The following MAPRE2 variants were observed in gnomAD, a reference collection of about 807,000 sequenced individuals.
MAPRE2 encodes microtubule-associated protein RP/EB family member 2.
MAPRE2 carries 13 observed loss-of-function variants against 43.2 expected under a neutral mutation model. That is an observed-to-expected ratio of 0.30 (90% CI 0.20 to 0.48). The LOEUF (loss-of-function observed/expected upper bound fraction) is 0.48, where lower values mean the gene tolerates loss of function less well. Ranked by LOEUF, MAPRE2 falls within the 20% of genes least tolerant of loss-of-function variation. The pLI, the probability that MAPRE2 is intolerant of heterozygous loss-of-function variation, is 0.99. For synonymous variants in MAPRE2, 135 were observed against 148.8 expected, an observed-to-expected ratio of 0.91 and a Z score of 0.68; for missense variants, 161 against 400.2, an observed-to-expected ratio of 0.40 and a Z score of 5.10.
At chr18:35,035,902 G>A (rs1202696096) in intron 2 of MAPRE2, among the ~76,000 whole-genome samples, 6 of 135,948 alleles carry the variant, frequency 4.4e-5, no homozygotes, top group East Asian at 2.1e-4. Flanking sequence ...CACCTGTTAC[G>A]TAACTTCCTC....
chr18:35,110,670 G>T (rs1397486992), intron 4 of MAPRE2, among the ~76,000 whole-genome samples: 2 of 152,064 alleles, frequency 1.3e-5, no homozygotes, highest in Non-Finnish European at 2.9e-5. Flanking sequence ...TTCTGTAAAT[G>T]TCTTTATTTT....
chr18:35,076,039 G>A (rs573660930), intron 2 of MAPRE2, among the ~76,000 whole-genome samples: 2 of 152,124 alleles, frequency 1.3e-5, no homozygotes, highest in Non-Finnish European at 2.9e-5. Context: ...ATACCATGGT[G>A]GTGAAAAGTG....
intron 2 of MAPRE2, among the ~76,000 whole-genome samples, chr18:35,010,053 C>G (rs1206178370): frequency 6.6e-6 from 1 of 152,150 alleles, no homozygotes; most frequent in African/African-American, 2.4e-5. Context: ...TTTTACCCAT[C>G]TCACACCACA....
upstream of MAPRE2, among the ~76,000 whole-genome samples, chr18:35,037,373 C>A (rs1366557674): frequency 6.6e-6 from 1 of 152,188 alleles, no homozygotes; most frequent in Non-Finnish European, 1.5e-5. Context: ...GAGAAACCAG[C>A]ATTATTACCC....
chr18:35,134,933 A>G (rs912860839), intron 6 of MAPRE2, among the ~76,000 whole-genome samples: 2 of 152,236 alleles, frequency 1.3e-5, no homozygotes, highest in Non-Finnish European at 2.9e-5. Context: ...AGAGAGGGAA[A>G]GAGACAGAGG....
At chr18:35,033,146 T>A (rs976599581) in intron 2 of MAPRE2, among the ~76,000 whole-genome samples, 15 of 152,050 alleles carry the variant, frequency 9.9e-5, no homozygotes, top group Non-Finnish European at 2.1e-4. Flanking sequence ...CAGCAGCACA[T>A]CAAAAAGCTT....
rs867209465 is a variant in MAPRE2, at chr18:35,066,559, C to G, written c.123-3636C>G. On this transcript the variant is annotated intron_variant, in intron 1 of 6. Coordinates refer to ENST00000300249, the MANE Select transcript of MAPRE2 (RefSeq NM_014268.4). ...CATTTGGAAAAAATATATAAATGTT[C>G]TGTGAATGTTGTAGCCACTTGTATC... Among the ~76,000 whole-genome samples the G allele has an allele frequency of 2.6e-5, 4 of 152,316 alleles. No homozygotes were observed. The Middle Eastern group carries it at 0.014, about 518-fold the overall frequency.
At chr18:34,992,660 AC>A (rs1422514396) in intron 1 of MAPRE2, among the ~76,000 whole-genome samples, 1 of 152,220 alleles carries the variant, frequency 6.6e-6, no homozygotes, top group Non-Finnish European at 1.5e-5. Flanking sequence ...TCCATAAATT[AC>A]ATTTTAAACG....
upstream of MAPRE2, chr18:35,041,396 G>A: frequency 6.6e-7 from 1 of 1,503,822 alleles, no homozygotes; most frequent in Non-Finnish European, 8.9e-7. Context: ...GGAGGGCGGG[G>A]CGCGAGCGAG....
chr18:35,025,685 C>G (rs2097044740), intron 2 of MAPRE2, among the ~76,000 whole-genome samples: 1 of 152,196 alleles, frequency 6.6e-6, no homozygotes, highest in Admixed American at 6.5e-5. Context: ...TTTAATAAAG[C>G]AAGCTGAAGT....
intron 1 of MAPRE2, among the ~76,000 whole-genome samples, chr18:34,999,572 T>C (rs1431819920): frequency 6.6e-6 from 1 of 152,240 alleles, no homozygotes; most frequent in Non-Finnish European, 1.5e-5. Flanking sequence ...TTTATTTTTA[T>C]AGAAACCTAA....
chr18:35,018,264 A>G (rs1257359385), intron 2 of MAPRE2, among the ~76,000 whole-genome samples: 1 of 151,840 alleles, frequency 6.6e-6, no homozygotes, highest in Non-Finnish European at 1.5e-5. Flanking sequence ...ATTGGCATGT[A>G]GTTTTCTTTT....
At chr18:35,042,485 A>G (rs574261149) in intron 1 of MAPRE2, among the ~76,000 whole-genome samples, 43 of 152,292 alleles carry the variant, frequency 2.8e-4, no homozygotes, top group African/African-American at 1.0e-3. Context: ...TCATTTTTAC[A>G]TTAACATATC....
chr18:35,140,282 C>T lies in MAPRE2; in HGVS notation c.910-13C>T. The T allele has an allele frequency of 3.1e-6, 5 of 1,611,990 alleles. No individual in the cohort carries two copies. Among genetic ancestry groups the T allele is most frequent in the Middle Eastern group, 1.7e-4 (1 of 6,036 alleles). On this transcript the variant is annotated splice_polypyrimidine_tract_variant and intron_variant, in intron 6 of 6. Coordinates refer to ENST00000300249, the MANE Select transcript of MAPRE2 (RefSeq NM_014268.4). ...GTCAATTATCTCAGCTGAAACTTCT[C>T]CCCTGCCCACAGGAGGGCCACACAG...
intron 4 of MAPRE2, among the ~76,000 whole-genome samples, chr18:35,116,996 A>G (rs1028137425): frequency 6.6e-6 from 1 of 152,212 alleles, no homozygotes; most frequent in Non-Finnish European, 1.5e-5. Context: ...TAGAGAGGGC[A>G]CAGTTAGAAT....
chr18:35,113,894 A>T (rs549706184), intron 4 of MAPRE2, among the ~76,000 whole-genome samples: 1 of 152,352 alleles, frequency 6.6e-6, no homozygotes, highest in South Asian at 2.1e-4. Context: ...CCTGTCCCAA[A>T]AAAATAAAAT....
chr18:35,125,372 G>A (rs1008931678), intron 4 of MAPRE2, among the ~76,000 whole-genome samples: 3 of 152,210 alleles, frequency 2.0e-5, no homozygotes, highest in Non-Finnish European at 2.9e-5. Context: ...GAAATAAACT[G>A]TAAAATTGGA....
At chr18:35,115,519 C>T (rs964159666) in intron 4 of MAPRE2, among the ~76,000 whole-genome samples, 1 of 152,014 alleles carries the variant, frequency 6.6e-6, no homozygotes, top group African/African-American at 2.4e-5. Flanking sequence ...CACACTCAGC[C>T]CCCAACCTTC....
At chr18:35,108,212 A>G (rs556644968) in intron 4 of MAPRE2, among the ~76,000 whole-genome samples, 118 of 152,232 alleles carry the variant, frequency 7.8e-4, no homozygotes, top group South Asian at 1.9e-3. Flanking sequence ...TTGAGTGAGA[A>G]CATGCAGTGT....
Sources: gnomAD v4.1 joint callset for allele counts (sites outside exome capture counted in the v4.1 genomes callset) on GRCh38, gnomAD v4.1.1 for gene constraint, MANE v1.5 for transcripts, NCBI Gene and HGNC (gene_info 2026-07-23, HGNC 2026-07-21) for gene names.